SORCS3: variants seen among roughly 807,000 people sequenced by gnomAD.
The protein encoded by SORCS3 is sortilin related VPS10 domain containing receptor 3.
Under a neutral mutation model 146.3 loss-of-function variants are expected in SORCS3, and 57 were observed. The observed-to-expected ratio is 0.39, with a 90% CI of 0.31 to 0.49. SORCS3 has a LOEUF of 0.49. Ranked by LOEUF, SORCS3 falls within the 20% of genes least tolerant of loss-of-function variation. SORCS3 has a pLI of 0.92. For synonymous variants in SORCS3, 653 were observed against 618.5 expected, an observed-to-expected ratio of 1.06 and a Z score of -0.83; for missense variants, 1,341 against 1,575.5, an observed-to-expected ratio of 0.85 and a Z score of 2.52.
chr10:104,761,970 C>T (rs1365257687), intron 1 of SORCS3, among the ~76,000 whole-genome samples: 1 of 152,158 alleles, frequency 6.6e-6, no homozygotes, highest in Non-Finnish European at 1.5e-5. Flanking sequence ...TCTATGGAGA[C>T]ACATTATGTG....
chr10:105,188,024 A>G (rs1166798841), intron 14 of SORCS3, among the ~76,000 whole-genome samples: 1 of 152,016 alleles, frequency 6.6e-6, no homozygotes, highest in Non-Finnish European at 1.5e-5. Context: ...GGTGTGTGTA[A>G]CTGAGTAAAA....
rs1250863365 is a variant in SORCS3 at position 104,641,371 on chromosome 10, C to T, written c.44C>T (p.Ala15Val). 3.5e-6 allele frequency: 5 copies of T among 1,418,392 alleles called. No homozygotes were observed. In the East Asian group the frequency reaches 9.3e-5, roughly 26 times the overall value. 87.9% of individuals were successfully genotyped at this position (1,418,392 alleles called of 1,614,324 possible). Reference sequence around the variant, plus strand: ...GAGCGCCCCGCAGGCAGGCCGGGGGCGCCGCTTGTCCGGACGGGGCTCCTA... The same window carrying T: ...GAGCGCCCCGCAGGCAGGCCGGGGGTGCCGCTTGTCCGGACGGGGCTCCTA... ...RTERPAGRPG[A>V]PLVRTGLLLL... Residue 15 changes from alanine to valine, a missense_variant, in exon 1 of 27, where the codon GCG becomes GTG. Ala to Val is a moderately conservative substitution (Grantham distance 64). Coordinates refer to ENST00000369701, the MANE Select transcript of SORCS3 (RefSeq NM_014978.3). The surrounding 1 kb of genome is among the most constrained non-coding windows in gnomAD (Gnocchi z 6.4).
In SORCS3 at chr10:105,107,560, C is replaced by T. The variant is rs703480; in HGVS notation, c.1212+2045C>T. 2.4e-3 allele frequency among the ~76,000 whole-genome samples: 365 copies of T among 152,016 alleles called. 4 individuals are homozygous for T. The highest frequency in any genetic ancestry group is 8.5e-3 in the African/African-American group (352 of 41,414). ...CCTTTTTTATTATACTGGAAGCAGACGGAAGTTTTGTCTTTAATTAGCATC... is the reference window on the plus strand; with the variant it reads ...CCTTTTTTATTATACTGGAAGCAGATGGAAGTTTTGTCTTTAATTAGCATC... On this transcript the variant is annotated intron_variant, in intron 7 of 26. Coordinates refer to ENST00000369701, the MANE Select transcript of SORCS3 (RefSeq NM_014978.3).
chr10:104,954,874 T>G (rs1434119060), intron 3 of SORCS3, among the ~76,000 whole-genome samples: 1 of 152,212 alleles, frequency 6.6e-6, no homozygotes, highest in Non-Finnish European at 1.5e-5. Context: ...CTGCTATTTT[T>G]TACTTAACAT....
chr10:104,745,930 A>G (rs1011400764), intron 1 of SORCS3, among the ~76,000 whole-genome samples: 1 of 152,164 alleles, frequency 6.6e-6, no homozygotes, highest in African/African-American at 2.4e-5. Context: ...TTAGGGCTGA[A>G]TAATACTCCA....
chr10:104,827,442 A>G (rs1387426894), intron 1 of SORCS3, among the ~76,000 whole-genome samples: 1 of 152,178 alleles, frequency 6.6e-6, no homozygotes, highest in African/African-American at 2.4e-5. Context: ...GTGCATTGTC[A>G]GTAAGCAGTA....
At chr10:104,807,611 C>G (rs903624015) in intron 1 of SORCS3, among the ~76,000 whole-genome samples, 2 of 152,150 alleles carry the variant, frequency 1.3e-5, no homozygotes, top group Admixed American at 1.3e-4. Context: ...GAGGGTGGAG[C>G]AGCATCCATT....
chr10:104,720,763 A>T (rs2016537928), intron 1 of SORCS3, among the ~76,000 whole-genome samples: 1 of 152,226 alleles, frequency 6.6e-6, no homozygotes, highest in African/African-American at 2.4e-5. Context: ...TGTTGGCTGC[A>T]TAAATGTCTT....
chr10:105,058,721 C>T (rs1564744485), intron 5 of SORCS3, among the ~76,000 whole-genome samples: 1 of 152,130 alleles, frequency 6.6e-6, no homozygotes, highest in African/African-American at 2.4e-5. Context: ...CTCTGGCTTT[C>T]TGCATCCTCA....
At chr10:105,216,306 A>G (rs2056664678) in intron 18 of SORCS3, among the ~76,000 whole-genome samples, 1 of 152,092 alleles carries the variant, frequency 6.6e-6, no homozygotes, top group African/African-American at 2.4e-5. Context: ...GTGTTATATA[A>G]TATGTATTAA....
intron 20 of SORCS3, among the ~76,000 whole-genome samples, chr10:105,238,972 C>T (rs1197760130): frequency 2.6e-5 from 4 of 152,114 alleles, no homozygotes; most frequent in African/African-American, 9.7e-5. Context: ...ATAACTATCA[C>T]TTTAGCTTTA....
intron 4 of SORCS3, among the ~76,000 whole-genome samples, chr10:105,015,756 G>A (rs975709946): frequency 3.3e-5 from 5 of 151,984 alleles, no homozygotes; most frequent in Non-Finnish European, 7.4e-5. Flanking sequence ...TTGAGACACA[G>A]TCTTACTCTG....
intron 7 of SORCS3, among the ~76,000 whole-genome samples, chr10:105,108,715 A>AAAAC (rs56868327): frequency 0.029 from 4,371 of 152,292 alleles, 122 homozygotes; most frequent in East Asian, 0.17. Context: ...AAACTTGAGA[A>AAAAC]AAACATTGGA....
chr10:104,895,063 A>G (rs1264244224), intron 2 of SORCS3, among the ~76,000 whole-genome samples: 1 of 152,194 alleles, frequency 6.6e-6, no homozygotes, highest in Non-Finnish European at 1.5e-5. Context: ...TGGTATGAAC[A>G]GGCCCTGTGG....
intron 20 of SORCS3, among the ~76,000 whole-genome samples, chr10:105,239,169 T>A (rs1278397407): frequency 6.6e-6 from 1 of 152,218 alleles, no homozygotes; most frequent in Non-Finnish European, 1.5e-5. Flanking sequence ...TTGCTTTATT[T>A]CTTTGTATGT....
At position 105,157,294 on chromosome 10, in the gene SORCS3, T is replaced by C; in HGVS notation, c.1629+10T>C. On this transcript the variant is annotated intron_variant, in intron 10 of 26. Coordinates refer to ENST00000369701, the MANE Select transcript of SORCS3 (RefSeq NM_014978.3). The stretch of plus-strand genomic sequence containing the variant: ...AGTGCACTGCCTGCTGGTCAGTCAC[T>C]CAGCCTCATGGGAAGTTCACAGGGC... The C allele has an allele frequency of 6.2e-7, 1 of 1,613,538 alleles. No individual in the cohort carries two copies. The highest frequency in any genetic ancestry group is 8.5e-7 in the Non-Finnish European group (1 of 1,179,648).
chr10:104,938,691 T>A (rs1004712943), intron 3 of SORCS3, among the ~76,000 whole-genome samples: 4 of 152,230 alleles, frequency 2.6e-5, no homozygotes, highest in African/African-American at 9.6e-5. Flanking sequence ...ATATTATCTT[T>A]TAATGTTTCC....
intron 20 of SORCS3, among the ~76,000 whole-genome samples, chr10:105,232,666 T>A (rs2056772158): frequency 6.6e-6 from 1 of 151,946 alleles, no homozygotes; most frequent in Non-Finnish European, 1.5e-5. Context: ...CACTCAATGC[T>A]ATAAATTTCC....
chr10:104,838,339 A>C lies in SORCS3; in HGVS notation c.628-4453A>C, dbSNP rs898087159. On this transcript the variant is annotated intron_variant, in intron 1 of 26. Coordinates refer to ENST00000369701, the MANE Select transcript of SORCS3 (RefSeq NM_014978.3). ...CGAGCTTGTTAGGTGGGTTTATTGC[A>C]TCTACTTTCAATGTTCTTCCCTGGA... Among the ~76,000 whole-genome samples the C allele has an allele frequency of 6.6e-5, 10 of 151,922 alleles. 1 individual carries two copies. The highest frequency in any genetic ancestry group is 2.2e-4 in the African/African-American group (9 of 41,330).
Sources: allele counts gnomAD v4.1 joint callset (sites outside exome capture counted in the v4.1 genomes callset), GRCh38; gene constraint gnomAD v4.1.1; non-coding constraint Gnocchi (gnomAD v3.1); transcripts MANE v1.5; gene names NCBI Gene and HGNC (gene_info 2026-07-23, HGNC 2026-07-21).